NHSL1: variants seen among roughly 807,000 people sequenced by gnomAD.
The protein encoded by NHSL1 is NHS-like protein 1.
A neutral mutation model predicts 95.0 loss-of-function variants in NHSL1; 48 were observed. The observed-to-expected ratio is 0.51, with a 90% CI of 0.40 to 0.64. The LOEUF (loss-of-function observed/expected upper bound fraction) is 0.64, where lower values mean the gene tolerates loss of function less well. Ranked by LOEUF, NHSL1 falls within the 30% of genes least tolerant of loss-of-function variation. The pLI is 0.00. For missense variants in NHSL1, 1,971 were observed against 2,077.7 expected, an observed-to-expected ratio of 0.95 and a Z score of 1.00; for synonymous variants, 783 against 833.9, an observed-to-expected ratio of 0.94 and a Z score of 1.05.
chr6:138,521,278 AG>A (rs1232396487), intron 1 of NHSL1, among the ~76,000 whole-genome samples: 3 of 152,110 alleles, frequency 2.0e-5, no homozygotes, highest in Non-Finnish European at 1.5e-5. Flanking sequence ...TGGGCAACAT[AG>A]TGAGACCCCC....
chr6:138,455,530 G>A (rs57673415), intron 3 of NHSL1, among the ~76,000 whole-genome samples: 12,000 of 105,452 alleles, frequency 0.11, 1,499 homozygotes, highest in African/African-American at 0.29. Flanking sequence ...AAGGAGCCCC[G>A]CCTTCACATG....
At chr6:138,530,360 C>G (rs1228953496) in intron 1 of NHSL1, among the ~76,000 whole-genome samples, 1 of 152,170 alleles carries the variant, frequency 6.6e-6, no homozygotes, top group African/African-American at 2.4e-5. Flanking sequence ...CTATGGAAAA[C>G]AGTATGGAGA....
At chr6:138,618,620 T>C (rs1784613260) in intron 1 of NHSL1, among the ~76,000 whole-genome samples, 1 of 152,206 alleles carries the variant, frequency 6.6e-6, no homozygotes, top group South Asian at 2.1e-4. Context: ...CACATTTAAC[T>C]ATGATATTCA....
chr6:138,663,666 T>C (rs1785259034), intron 1 of NHSL1, among the ~76,000 whole-genome samples: 1 of 151,970 alleles, frequency 6.6e-6, no homozygotes, highest in Non-Finnish European at 1.5e-5. Flanking sequence ...GATCAGGAGT[T>C]CGAGACCAGC....
intron 1 of NHSL1, among the ~76,000 whole-genome samples, chr6:138,523,414 A>T (rs183909207): frequency 7.9e-5 from 12 of 152,104 alleles, no homozygotes; most frequent in Admixed American, 2.0e-4. Flanking sequence ...GGCTCAAGTG[A>T]TCCTCCTGCT....
At chr6:138,455,387 A>T (rs1562287471) in intron 3 of NHSL1, among the ~76,000 whole-genome samples, 1 of 152,198 alleles carries the variant, frequency 6.6e-6, no homozygotes, top group Admixed American at 6.5e-5. Flanking sequence ...GGGCATAATG[A>T]GGAGGAATTG....
chr6:138,575,970 T>C (rs1213383720), upstream of NHSL1, among the ~76,000 whole-genome samples: 2 of 141,610 alleles, frequency 1.4e-5, no homozygotes, highest in Admixed American at 1.5e-4. Context: ...CATTTATTTA[T>C]TTATTTATTT....
intron 3 of NHSL1, among the ~76,000 whole-genome samples, chr6:138,461,790 G>GA (rs1778014002): frequency 6.6e-6 from 1 of 152,194 alleles, no homozygotes; most frequent in Admixed American, 6.5e-5. Flanking sequence ...AAAGGTCAAA[G>GA]TAGGGTTTCT....
chr6:138,477,403 C>T (rs1191793257), intron 2 of NHSL1, among the ~76,000 whole-genome samples: 1 of 152,116 alleles, frequency 6.6e-6, no homozygotes, highest in Non-Finnish European at 1.5e-5. Context: ...AGTTCAAGAC[C>T]AGCCTGAACA....
intron 1 of NHSL1, among the ~76,000 whole-genome samples, chr6:138,620,188 G>A (rs558833128): frequency 8.0e-4 from 122 of 152,106 alleles, no homozygotes; most frequent in Non-Finnish European, 1.5e-3. Flanking sequence ...TCTGCACAAG[G>A]CAAGTAGTCA....
chr6:138,504,243 AAG>A (rs145966165), upstream of NHSL1, among the ~76,000 whole-genome samples: 890 of 151,536 alleles, frequency 5.9e-3, 33 homozygotes, highest in East Asian at 0.079. Context: ...TCTTAAAAGA[AAG>A]AGAGAGAGAG....
chr6:138,466,042 G>A (rs537488342), intron 3 of NHSL1, among the ~76,000 whole-genome samples: 2 of 69,336 alleles, frequency 2.9e-5, no homozygotes, highest in East Asian at 9.5e-4. Context: ...ACTCCTTTTT[G>A]GGGGGGGGGC....
intron 1 of NHSL1, among the ~76,000 whole-genome samples, chr6:138,674,095 T>TA (rs1375446293): frequency 6.6e-6 from 1 of 152,198 alleles, no homozygotes; most frequent in Non-Finnish European, 1.5e-5. Context: ...AAACTACATA[T>TA]ACATGAAAAT....
intron 1 of NHSL1, among the ~76,000 whole-genome samples, chr6:138,599,511 CA>C (rs200759054): frequency 0.043 from 6,463 of 149,422 alleles, 182 homozygotes; most frequent in South Asian, 0.073. Context: ...GTCTCCGTCT[CA>C]AAAAAAAACA....
intron 1 of NHSL1, among the ~76,000 whole-genome samples, chr6:138,625,499 T>C (rs1784724423): frequency 6.6e-6 from 1 of 152,130 alleles, no homozygotes; most frequent in South Asian, 2.1e-4. Context: ...CTAGAACTTA[T>C]CACCACTCCT....
At chr6:138,656,520 G>T (rs1785158558) in intron 1 of NHSL1, among the ~76,000 whole-genome samples, 1 of 152,188 alleles carries the variant, frequency 6.6e-6, no homozygotes, top group Admixed American at 6.5e-5. Context: ...GCACCTGTGA[G>T]CTGAAATGTG....
intron 2 of NHSL1, among the ~76,000 whole-genome samples, chr6:138,490,919 A>G (rs574493260): frequency 7.2e-5 from 11 of 152,338 alleles, no homozygotes; most frequent in Middle Eastern, 3.4e-3. Flanking sequence ...GGCGTGAGCC[A>G]CCGCGCCTGG....
chr6:138,673,782 C>G (rs1057151734), intron 1 of NHSL1, among the ~76,000 whole-genome samples: 2 of 152,172 alleles, frequency 1.3e-5, no homozygotes, highest in Non-Finnish European at 2.9e-5. Flanking sequence ...TTTTAACAAG[C>G]TCAAGTCTGT....
At chr6:138,553,798 T>C (rs1388154250) in intron 1 of NHSL1, among the ~76,000 whole-genome samples, 3 of 152,194 alleles carry the variant, frequency 2.0e-5, no homozygotes, top group Non-Finnish European at 4.4e-5. Context: ...TATCATTTCC[T>C]TAAAGGATTA....
Sources: gnomAD v4.1 joint callset for allele counts (sites outside exome capture counted in the v4.1 genomes callset) on GRCh38, gnomAD v4.1.1 for gene constraint, MANE v1.5 for transcripts, NCBI Gene and HGNC (gene_info 2026-07-23, HGNC 2026-07-21) for gene names.